The following ABRAXAS2 variants were observed in gnomAD, a reference collection of about 807,000 sequenced individuals.
ABRAXAS2 encodes the protein BRISC complex subunit Abraxas 2.
Under a neutral mutation model 49.0 loss-of-function variants are expected in ABRAXAS2, and 23 were observed. The ratio of observed to expected loss-of-function variants is 0.47; its 90% confidence interval spans 0.34 to 0.66. The LOEUF is 0.66. Ranked by LOEUF, ABRAXAS2 falls within the 30% of genes least tolerant of loss-of-function variation. The pLI, the probability that ABRAXAS2 is intolerant of heterozygous loss-of-function variation, is 0.01. For missense variants in ABRAXAS2, 443 were observed against 511.9 expected, an observed-to-expected ratio of 0.87 and a Z score of 1.30; for synonymous variants, 168 against 180.2, an observed-to-expected ratio of 0.93 and a Z score of 0.54.
intron 5 of ABRAXAS2, among the ~76,000 whole-genome samples, chr10:124,828,076 T>C (rs1407861352): frequency 6.6e-6 from 1 of 152,224 alleles, no homozygotes; most frequent in East Asian, 1.9e-4. Flanking sequence ...ATCCTTGGGT[T>C]GTCTGTAGAA....
At chr10:124,830,248 C>G (rs894811089) in intron 7 of ABRAXAS2, among the ~76,000 whole-genome samples, 1 of 152,118 alleles carries the variant, frequency 6.6e-6, no homozygotes, top group African/African-American at 2.4e-5. Context: ...AGTTCGAGAT[C>G]AGCCTGGGCA....
At position 124,819,455 on chromosome 10, in the gene ABRAXAS2, G is replaced by T; in HGVS notation, c.267+5G>T. 1 of 1,613,126 alleles carries T rather than the reference G, an allele frequency of 6.2e-7. No individual in the cohort carries two copies. The highest frequency in any genetic ancestry group is 8.5e-7 in the Non-Finnish European group (1 of 1,179,150). On this transcript the variant is annotated splice_donor_5th_base_variant and intron_variant, in intron 4 of 8. Coordinates refer to ENST00000298492, the MANE Select transcript of ABRAXAS2 (RefSeq NM_032182.4). ...ATTCTTAAAGATCGGAGAAAGGTAT[G>T]TTCTGTTTGTTGCCCAGTATGATTC... is the stretch of plus-strand genomic sequence containing the variant.
intron 8 of ABRAXAS2, among the ~76,000 whole-genome samples, chr10:124,834,273 C>T (rs1950953283): frequency 1.3e-5 from 2 of 152,108 alleles, no homozygotes; most frequent in Admixed American, 6.5e-5. Flanking sequence ...GTAATAATAA[C>T]GATAATTATA....
intron 3 of ABRAXAS2, among the ~76,000 whole-genome samples, chr10:124,817,644 G>A (rs1470839322): frequency 6.6e-6 from 1 of 152,080 alleles, no homozygotes. Flanking sequence ...GCTTCCTGCT[G>A]TTCCCTGCAG....
chr10:124,801,918 C>G lies in ABRAXAS2; in HGVS notation c.72+17C>G, dbSNP rs1264630697. On this transcript the variant is annotated intron_variant, in intron 1 of 8. Coordinates refer to ENST00000298492, the MANE Select transcript of ABRAXAS2 (RefSeq NM_032182.4). ...GCGGACCACGTAGGTGCCGGGCCCC[C>G]TGCCGCGCCCGCTGGGGGCTTTCAG... is the stretch of plus-strand genomic sequence containing the variant. The G allele has an allele frequency of 3.7e-6, 6 of 1,610,696 alleles. No individual in the cohort carries two copies. The South Asian group carries it at 5.5e-5, about 15-fold the overall frequency.
intron 4 of ABRAXAS2, among the ~76,000 whole-genome samples, chr10:124,823,153 CTG>C (rs779995619): frequency 6.6e-6 from 1 of 152,026 alleles, no homozygotes; most frequent in Non-Finnish European, 1.5e-5. Context: ...AGTATGAACT[CTG>C]TAAGGATTTT....
At chr10:124,810,518 C>T (rs1354391951) in intron 2 of ABRAXAS2, among the ~76,000 whole-genome samples, 8 of 152,006 alleles carry the variant, frequency 5.3e-5, no homozygotes. Flanking sequence ...AGAGCAAGAT[C>T]TCATCTTAAA....
At chr10:124,816,974 G>A (rs1243479444) in intron 3 of ABRAXAS2, among the ~76,000 whole-genome samples, 2 of 152,186 alleles carry the variant, frequency 1.3e-5, no homozygotes, top group African/African-American at 4.8e-5. Context: ...CGTTCTTTTT[G>A]TGTTTGTTGA....
intron 2 of ABRAXAS2, among the ~76,000 whole-genome samples, chr10:124,808,087 TC>T (rs747047215): frequency 9.2e-5 from 14 of 152,164 alleles, no homozygotes; most frequent in Non-Finnish European, 1.9e-4. Flanking sequence ...GAGGTCATAG[TC>T]CTTTCAGGTA....
intron 8 of ABRAXAS2, among the ~76,000 whole-genome samples, chr10:124,833,756 A>G (rs1328091106): frequency 6.6e-6 from 1 of 152,134 alleles, no homozygotes; most frequent in East Asian, 1.9e-4. Flanking sequence ...ATGAGTGTGT[A>G]TCAGTTTTAT....
At chr10:124,834,458 G>C (rs779771174) in intron 8 of ABRAXAS2, 44 bp from the exon 9 acceptor site, 13 of 1,532,372 alleles carry the variant, frequency 8.5e-6, no homozygotes, top group South Asian at 1.2e-5. Context: ...ATGAAAAGCT[G>C]TGAGAATCTA....
At chr10:124,806,703 T>C (rs1950746917) in intron 1 of ABRAXAS2, 128 bp from the exon 2 acceptor site, 1 of 600,282 alleles carries the variant, frequency 1.7e-6, no homozygotes, top group Non-Finnish European at 2.9e-6. Context: ...TATAGAATAG[T>C]GGTTTACATG....
chr10:124,813,694 T>C (rs530014196), intron 2 of ABRAXAS2, among the ~76,000 whole-genome samples: 3 of 152,314 alleles, frequency 2.0e-5, no homozygotes, highest in East Asian at 3.9e-4. Flanking sequence ...GTGCTTAGTA[T>C]TGCAAAACAT....
chr10:124,831,284 G>A (rs570086908), intron 7 of ABRAXAS2, 65 bp from the exon 8 acceptor site: 15 of 962,270 alleles, frequency 1.6e-5, no homozygotes, highest in East Asian at 1.2e-4. Context: ...TGTAATCAGC[G>A]CTGAATTTAT....
intron 7 of ABRAXAS2, among the ~76,000 whole-genome samples, chr10:124,830,469 G>T (rs1198436723): frequency 1.3e-5 from 2 of 152,076 alleles, no homozygotes; most frequent in African/African-American, 4.8e-5. Context: ...TAAAAAGGAT[G>T]AAGGCCTCAG....
rs1228534780 is a variant in ABRAXAS2 at position 124,834,936 on chromosome 10, G to A, written c.1213G>A (p.Glu405Lys). 18 of 1,613,152 alleles carry A rather than the reference G, an allele frequency of 1.1e-5. No individual in the cohort carries two copies. The highest frequency in any genetic ancestry group is 4.5e-5 in the East Asian group (2 of 44,884). Residue 405 changes from glutamate to lysine, a missense_variant, in exon 9 of 9, where the codon GAG becomes AAG. Physicochemically the swap from Glu to Lys is moderately conservative, Grantham distance 56 (BLOSUM62 1). Around this residue, in one of 3 missense-constraint regions of ABRAXAS2, gnomAD observed 230 missense variants for 237.0 expected, o/e 0.97. Coordinates refer to ENST00000298492, the MANE Select transcript of ABRAXAS2 (RefSeq NM_032182.4). Reference sequence around the variant, plus strand: ...TTCTCGACCCATGGCACATCCCGACGAGGACCCCAGGAACACTCAGACCTC... The same window carrying A: ...TTCTCGACCCATGGCACATCCCGACAAGGACCCCAGGAACACTCAGACCTC... ...KDSRPMAHPDEDPRNTQTSQI is the reference protein window; with the variant it reads ...KDSRPMAHPDKDPRNTQTSQI
intron 3 of ABRAXAS2, 46 bp downstream of exon 3, chr10:124,816,658 A>AT (rs758000082): frequency 6.9e-6 from 10 of 1,442,192 alleles, no homozygotes; most frequent in East Asian, 2.3e-5. Flanking sequence ...GGATTGATTG[A>AT]TAAAAAAAAC....
intron 1 of ABRAXAS2, among the ~76,000 whole-genome samples, chr10:124,806,083 G>A (rs1180700164): frequency 6.6e-6 from 1 of 151,992 alleles, no homozygotes; most frequent in Non-Finnish European, 1.5e-5. Context: ...GGCGGATCAC[G>A]AGGTCAGGAG....
In ABRAXAS2 at chr10:124,829,490, T is replaced by C; in HGVS notation, c.663+13T>C. ...GGAGAAAGTTCAGGTAACTGATTTA[T>C]TTATTAGTTTTCATCTTATTTGTCT... On this transcript the variant is annotated intron_variant, in intron 7 of 8. Transcript: ENST00000298492. 5 of 1,541,364 alleles carry C rather than the reference T, an allele frequency of 3.2e-6. No individual in the cohort carries two copies. Among genetic ancestry groups the C allele is most frequent in the Non-Finnish European group, 4.5e-6 (5 of 1,122,572 alleles).
Sources: gnomAD v4.1 joint callset for allele counts (sites outside exome capture counted in the v4.1 genomes callset) on GRCh38, gnomAD v4.1.1 for gene constraint, gnomAD v4.1.1 regional missense constraint, MANE v1.5 for transcripts, NCBI Gene and HGNC (gene_info 2026-07-23, HGNC 2026-07-21) for gene names.